The following LARGE1 variants were observed in gnomAD, a reference collection of about 807,000 sequenced individuals.
LARGE1 encodes the protein LARGE xylosyl- and glucuronyltransferase 1.
LARGE1 carries 43 observed loss-of-function variants against 87.6 expected under a neutral mutation model. The ratio of observed to expected loss-of-function variants is 0.49; its 90% CI spans 0.38 to 0.63. The LOEUF is 0.63. LARGE1 is among the 30% of genes least tolerant of loss of function. LARGE1 has a pLI of 0.00. For synonymous variants in LARGE1, 434 were observed against 394.6 expected, an observed-to-expected ratio of 1.10 and a Z score of -1.18; for missense variants, 802 against 1,000.2, an observed-to-expected ratio of 0.80 and a Z score of 2.67.
chr22:33,233,244 G>A (rs941363043), intron 11 of LARGE1, among the ~76,000 whole-genome samples: 1 of 152,110 alleles, frequency 6.6e-6, no homozygotes, highest in Admixed American at 6.5e-5. Context: ...AGTTGTCTAA[G>A]TCAGGTTGTT....
chr22:33,840,604 T>C (rs1020487043), intron 1 of LARGE1, among the ~76,000 whole-genome samples: 2 of 152,192 alleles, frequency 1.3e-5, no homozygotes, highest in Non-Finnish European at 2.9e-5. Context: ...CCTTCATCTT[T>C]ACAGCAACCC....
intron 12 of LARGE1, among the ~76,000 whole-genome samples, chr22:33,298,024 G>A (rs2146076843): frequency 6.6e-6 from 1 of 150,906 alleles, no homozygotes; most frequent in Non-Finnish European, 1.5e-5. Context: ...TGCAGGGTCA[G>A]TGAAAGGTGT....
In LARGE1 at chr22:33,361,817, ACT is replaced by A. The variant is rs2064399913; in HGVS notation, c.1131+20100_1131+20101del. On this transcript the variant is annotated intron_variant, in intron 9 of 14. Transcript: ENST00000397394. ...TTCCTTACATCACAGCACCTAGCAGACTCTATTGGAATTTTCCATTACTCACC... is the reference window on the plus strand; with the variant it reads ...TTCCTTACATCACAGCACCTAGCAGACTATTGGAATTTTCCATTACTCACC... 1.4e-5 allele frequency among the ~76,000 whole-genome samples: 2 copies of A among 143,486 alleles called. 1 individual carries two copies. Among genetic ancestry groups the A allele is most frequent in the South Asian group, 4.8e-4 (2 of 4,200 alleles). 94.1% of individuals were successfully genotyped at this position (143,486 alleles called of 152,430 possible). A position where few individuals can be genotyped will look rare whatever the true frequency, so the allele number is the denominator to read the frequency against.
At chr22:33,780,315 CA>C (rs1470389521) in intron 1 of LARGE1, among the ~76,000 whole-genome samples, 1 of 152,174 alleles carries the variant, frequency 6.6e-6, no homozygotes, top group Non-Finnish European at 1.5e-5. Flanking sequence ...AGACAGAATT[CA>C]ACCCATAACA....
Position 33,181,493 on chromosome 22 carries a change from C to T in LARGE1, c.1731-14661G>A, listed in dbSNP as rs558753863. On this transcript the variant is annotated intron_variant, in intron 11 of 11. Transcript: ENST00000608642. ...AGAGTATTTTTTGAACTCAGACATT[C>T]TTCACGTGAGCACATTGTTAGGCTA... 1.4e-3 allele frequency among the ~76,000 whole-genome samples: 207 copies of T among 151,638 alleles called. 1 individual carries two copies. Among genetic ancestry groups the T allele is most frequent in the Middle Eastern group, 3.4e-3 (1 of 292 alleles).
intron 2 of LARGE1, among the ~76,000 whole-genome samples, chr22:33,758,056 C>A (rs1191858634): frequency 6.6e-6 from 1 of 152,168 alleles, no homozygotes; most frequent in African/African-American, 2.4e-5. Context: ...AGGTATTTCA[C>A]CACCTCCTGG....
At chr22:33,101,678 A>G in the LARGE1 span, among the ~76,000 whole-genome samples, 6 of 152,172 alleles carry the variant, frequency 3.9e-5, no homozygotes, top group African/African-American at 1.4e-4. Context: ...TTCTATGAAA[A>G]TAAATGCTTC....
At chr22:33,230,785 T>C (rs146266042) in intron 11 of LARGE1, among the ~76,000 whole-genome samples, 42 of 152,300 alleles carry the variant, frequency 2.8e-4, no homozygotes, top group South Asian at 6.2e-4. Context: ...AGGAAATAGG[T>C]AAGTTCATAA....
intron 5 of LARGE1, among the ~76,000 whole-genome samples, chr22:33,566,450 A>G (rs1201374304): frequency 6.6e-6 from 1 of 152,232 alleles, no homozygotes. Context: ...GCAGCAAGAC[A>G]TCAAACTGTG....
At chr22:33,522,246 G>A (rs1033465400) in intron 6 of LARGE1, among the ~76,000 whole-genome samples, 1 of 152,226 alleles carries the variant, frequency 6.6e-6, no homozygotes, top group African/African-American at 2.4e-5. Flanking sequence ...TACTGAGGAA[G>A]AGCAAGACAA....
At chr22:33,797,481 C>T (rs146475679) in intron 1 of LARGE1, among the ~76,000 whole-genome samples, 1 of 152,282 alleles carries the variant, frequency 6.6e-6, no homozygotes, top group African/African-American at 2.4e-5. Context: ...AGCTCCCTTG[C>T]CATAGTGACT....
At chr22:33,876,519 T>TCC (rs10655199) in intron 1 of LARGE1, among the ~76,000 whole-genome samples, 53,418 of 151,594 alleles carry the variant, frequency 0.35, 10,591 homozygotes, top group Non-Finnish European at 0.45. Flanking sequence ...ATGCTATACT[T>TCC]CTATTTAAAA....
chr22:33,303,801 T>G (rs561184325), intron 12 of LARGE1, among the ~76,000 whole-genome samples: 1 of 135,260 alleles, frequency 7.4e-6, no homozygotes, highest in South Asian at 2.4e-4. Context: ...TTTTTGGTAT[T>G]TTTAGTAGGG....
intron 9 of LARGE1, among the ~76,000 whole-genome samples, chr22:33,338,905 T>C (rs1037858901): frequency 6.6e-6 from 1 of 152,068 alleles, no homozygotes; most frequent in African/African-American, 2.4e-5. Flanking sequence ...GCCAGCACTT[T>C]GGGAGGCTGA....
intron 11 of LARGE1, among the ~76,000 whole-genome samples, chr22:33,208,397 A>C (rs8140034): frequency 0.22 from 33,523 of 152,130 alleles, 4,096 homozygotes; most frequent in Middle Eastern, 0.33. Flanking sequence ...TGGGTTTCTT[A>C]GCAATCAACA....
chr22:33,112,245 A>G, the LARGE1 span, among the ~76,000 whole-genome samples: 281 of 152,322 alleles, frequency 1.8e-3, 1 homozygote, highest in African/African-American at 6.5e-3. Flanking sequence ...GATCGAGAAA[A>G]GTGGATGGCT....
At chr22:33,629,843 G>A (rs569523915) in intron 3 of LARGE1, among the ~76,000 whole-genome samples, 10 of 152,162 alleles carry the variant, frequency 6.6e-5, no homozygotes, top group African/African-American at 1.2e-4. Context: ...CAAGGTGGGC[G>A]GATCATCTAA....
chr22:33,816,830 G>T (rs111256644), intron 1 of LARGE1, among the ~76,000 whole-genome samples: 1 of 151,974 alleles, frequency 6.6e-6, no homozygotes, highest in South Asian at 2.1e-4. Flanking sequence ...TTTTCACAAC[G>T]CAGTGTTCAT....
intron 3 of LARGE1, among the ~76,000 whole-genome samples, chr22:33,632,411 A>G (rs2080139602): frequency 6.6e-6 from 1 of 152,166 alleles, no homozygotes. Flanking sequence ...GGCATGAGCC[A>G]CCGTGCCTGG....
Sources: gnomAD v4.1 joint callset for allele counts (sites outside exome capture counted in the v4.1 genomes callset) on GRCh38, gnomAD v4.1.1 for gene constraint, MANE v1.5 for transcripts, NCBI Gene and HGNC (gene_info 2026-07-23, HGNC 2026-07-21) for gene names.